NLGN1: variants seen among roughly 807,000 people sequenced by gnomAD.
NLGN1 encodes the protein neuroligin 1.
Under a neutral mutation model 65.5 loss-of-function variants are expected in NLGN1, and 12 were observed. The ratio of observed to expected loss-of-function variants is 0.18; its 90% CI spans 0.12 to 0.30. NLGN1 has a LOEUF of 0.30. NLGN1 is among the 10% of genes least tolerant of loss of function. NLGN1 has a pLI of 1.00. For synonymous variants in NLGN1, 350 were observed against 359.5 expected, an observed-to-expected ratio of 0.97 and a Z score of 0.30; for missense variants, 750 against 1,007.1, an observed-to-expected ratio of 0.74 and a Z score of 3.46.
At chr3:174,292,994 C>G in the NLGN1 span, among the ~76,000 whole-genome samples, 1 of 151,292 alleles carries the variant, frequency 6.6e-6, no homozygotes, top group Middle Eastern at 3.4e-3. Context: ...TAAAATTTTC[C>G]CAGTTTAATT....
At chr3:174,097,610 T>C (rs1313597933) in intron 4 of NLGN1, among the ~76,000 whole-genome samples, 2 of 152,196 alleles carry the variant, frequency 1.3e-5, no homozygotes, top group African/African-American at 4.8e-5. Context: ...ATTATTTCAA[T>C]TGATGTGAAT....
chr3:173,537,539 TAAA>T (rs1177908546), intron 2 of NLGN1, among the ~76,000 whole-genome samples: 2 of 151,932 alleles, frequency 1.3e-5, no homozygotes, highest in Non-Finnish European at 2.9e-5. Flanking sequence ...TATAATAAAA[TAAA>T]GAAGAACTAC....
At chr3:173,497,373 T>A (rs561176332) in intron 2 of NLGN1, among the ~76,000 whole-genome samples, 1 of 150,836 alleles carries the variant, frequency 6.6e-6, no homozygotes, top group South Asian at 2.1e-4. Context: ...GGGCGACAAG[T>A]GTGAAACTCC....
chr3:173,645,259 G>T (rs943950980), intron 3 of NLGN1, among the ~76,000 whole-genome samples: 1 of 152,192 alleles, frequency 6.6e-6, no homozygotes, highest in African/African-American at 2.4e-5. Context: ...TACAAAAGCT[G>T]GGAGACTTTC....
Position 173,503,894 on chromosome 3 carries a change from A to AT in NLGN1, c.-321+68825dup, listed in dbSNP as rs111536971. On this transcript the variant is annotated intron_variant, in intron 2 of 6. Coordinates refer to ENST00000457714, the Ensembl canonical transcript of NLGN1. ...TAACTAGAAGGGAATCCTGACTGGG[A>AT]TTTTTTTTTCTTTTCTTATTATCTT... Among the ~76,000 whole-genome samples the AT allele has an allele frequency of 3.6e-3, 540 of 151,424 alleles. 3 individuals are homozygous for AT. The highest frequency in any genetic ancestry group is 0.012 in the African/African-American group (479 of 41,294).
Position 174,279,062 on chromosome 3 carries a change from T to C in NLGN1, c.1061T>C (p.Ile354Thr). The change falls in exon 6 of 7, where the codon ATA becomes ACA. Residue 354 changes from isoleucine to threonine, a missense_variant. Transcript: ENST00000457714. This position sits in a 1 kb window ranked among gnomAD's most constrained non-coding sequence, Gnocchi z 4.7. Reference sequence around the variant, plus strand: ...GATATTCAACCAGCTCGATACCACATAGCCTTTGGACCTGTGATTGATGGT... The same window carrying C: ...GATATTCAACCAGCTCGATACCACACAGCCTTTGGACCTGTGATTGATGGT... The C allele has an allele frequency of 6.2e-7, 1 of 1,612,822 alleles. No homozygotes were observed.
At chr3:174,284,070 A>G (rs1303284123) in exon 7 of NLGN1, 1 of 151,382 alleles carries the variant, frequency 6.6e-6, no homozygotes, top group Non-Finnish European at 1.5e-5. Flanking sequence ...TATATATAGC[A>G]TAACTGTCAC....
intron 3 of NLGN1, among the ~76,000 whole-genome samples, chr3:173,689,290 G>T (rs1765121607): frequency 6.6e-6 from 1 of 152,134 alleles, no homozygotes; most frequent in South Asian, 2.1e-4. Flanking sequence ...GTATGAGATT[G>T]CTCTTGTCAC....
intron 3 of NLGN1, among the ~76,000 whole-genome samples, chr3:173,772,850 C>T (rs569704586): frequency 6.6e-6 from 1 of 152,118 alleles, no homozygotes; most frequent in Admixed American, 6.5e-5. Context: ...CCAGACTCCT[C>T]CTCCTAATTG....
intron 2 of NLGN1, among the ~76,000 whole-genome samples, chr3:173,572,283 G>T (rs1272538473): frequency 6.6e-6 from 1 of 152,246 alleles, no homozygotes; most frequent in Admixed American, 6.5e-5. Flanking sequence ...CCTCCCAAGG[G>T]ATCCAAGGGA....
At position 173,929,786 on chromosome 3, in the gene NLGN1, C is replaced by T. The variant is rs559022371; in HGVS notation, c.646+121954C>T. Among the ~76,000 whole-genome samples the T allele has an allele frequency of 1.4e-3, 213 of 151,452 alleles. No homozygotes were observed. In the Middle Eastern group the frequency reaches 0.024, roughly 17 times the overall value. On this transcript the variant is annotated intron_variant, in intron 4 of 6. Coordinates refer to ENST00000457714, the Ensembl canonical transcript of NLGN1. ...ATGGCACGATCTTGGCTCACCGCAA[C>T]TTCTGCCTCTCGGGTTCAAATGATT... is the stretch of plus-strand genomic sequence containing the variant.
At chr3:173,891,068 C>T (rs1735243112) in intron 4 of NLGN1, among the ~76,000 whole-genome samples, 1 of 152,138 alleles carries the variant, frequency 6.6e-6, no homozygotes, top group Non-Finnish European at 1.5e-5. Context: ...TGCCCTTATT[C>T]AAGCAAGGCA....
chr3:174,149,468 A>G (rs561938074), intron 4 of NLGN1, among the ~76,000 whole-genome samples: 2 of 152,276 alleles, frequency 1.3e-5, no homozygotes, highest in South Asian at 4.1e-4. Flanking sequence ...AAGTGACTTC[A>G]GCATTCTGTA....
chr3:174,086,297 T>G (rs1743350925), intron 4 of NLGN1, among the ~76,000 whole-genome samples: 1 of 147,726 alleles, frequency 6.8e-6, no homozygotes, highest in Non-Finnish European at 1.5e-5. Context: ...ATATATATAT[T>G]TATGTATGTG....
chr3:174,175,886 T>C (rs1729359760), intron 4 of NLGN1, among the ~76,000 whole-genome samples: 1 of 151,964 alleles, frequency 6.6e-6, no homozygotes, highest in African/African-American at 2.4e-5. Context: ...GGCTCATTAC[T>C]GGCATGATTT....
At chr3:174,163,276 T>C (rs1726904900) in intron 4 of NLGN1, among the ~76,000 whole-genome samples, 1 of 151,996 alleles carries the variant, frequency 6.6e-6, no homozygotes, top group African/African-American at 2.4e-5. Context: ...TCACTGCCCA[T>C]GGATATTTCT....
intron 4 of NLGN1, among the ~76,000 whole-genome samples, chr3:173,968,169 A>G (rs538237854): frequency 2.0e-5 from 3 of 152,168 alleles, no homozygotes; most frequent in African/African-American, 4.8e-5. Context: ...GGGTTTTTCA[A>G]TTGTAGAGAT....
chr3:174,128,899 G>A (rs1190493113), intron 4 of NLGN1, among the ~76,000 whole-genome samples: 1 of 152,070 alleles, frequency 6.6e-6, no homozygotes, highest in Non-Finnish European at 1.5e-5. Context: ...GCAGGCCCAG[G>A]AAATCAAAAT....
chr3:174,216,238 C>T (rs1737574037), intron 4 of NLGN1, among the ~76,000 whole-genome samples: 2 of 152,104 alleles, frequency 1.3e-5, no homozygotes, highest in Non-Finnish European at 2.9e-5. Context: ...TACATCTTGT[C>T]CTCACAAATG....
Sources: gnomAD v4.1 joint callset for allele counts (sites outside exome capture counted in the v4.1 genomes callset) on GRCh38, gnomAD v4.1.1 for gene constraint, Gnocchi (gnomAD v3.1) non-coding constraint, MANE v1.5 for transcripts, NCBI Gene and HGNC (gene_info 2026-07-23, HGNC 2026-07-21) for gene names.